The following ZNF81 variants were observed in gnomAD, a reference collection of about 807,000 sequenced individuals.
ZNF81 encodes zinc finger protein 81.
ZNF81 carries 5 observed loss-of-function variants against 32.3 expected under a neutral mutation model. The observed-to-expected ratio is 0.15, with a 90% CI of 0.08 to 0.33. The LOEUF is 0.33. Ranked by LOEUF, ZNF81 falls within the 10% of genes least tolerant of loss-of-function variation. ZNF81 has a pLI of 1.00. For missense variants in ZNF81, 379 were observed against 479.8 expected (o/e 0.79, Z 1.96); for synonymous variants, 163 against 166.8 (o/e 0.98, Z 0.17).
rs782446423 is a variant in ZNF81 at position 47,923,570 on chromosome X, GGTT to G, written c.*6946_*6948del. Among the ~76,000 whole-genome samples, 13 of 111,902 alleles carry G rather than the reference GGTT, an allele frequency of 1.2e-4. No individual in the cohort carries two copies. The highest frequency in any genetic ancestry group is 2.1e-4 in the Non-Finnish European group (11 of 53,147). ...TTGGTTCTTGATTTTATGACACAGA[GGTT>G]GTTGTTGGCTTTGATGAATGCTATT... On this transcript the variant is annotated 3_prime_UTR_variant, in exon 5 of 5. Transcript: ENST00000338637.
chrX:47,902,027 A>G (rs2058700424), intron 4 of ZNF81, among the ~76,000 whole-genome samples: 2 of 111,810 alleles, frequency 1.8e-5, no homozygotes, highest in African/African-American at 6.5e-5. Context: ...ACTGTCTTTA[A>G]TTTCAAATTC....
At chrX:47,854,953 G>A (rs980060362) in intron 2 of ZNF81, among the ~76,000 whole-genome samples, 14 of 110,006 alleles carry the variant, frequency 1.3e-4, no homozygotes, top group South Asian at 3.9e-4. Flanking sequence ...ATATTAGCCG[G>A]GTGTGGTGGC....
intron 2 of ZNF81, among the ~76,000 whole-genome samples, chrX:47,854,710 C>T (rs189263146): frequency 8.9e-6 from 1 of 111,938 alleles, no homozygotes; most frequent in Non-Finnish European, 1.9e-5. Flanking sequence ...TTTATCAATT[C>T]AGTTCACCAT....
At chrX:47,850,891 GCACACA>G (rs782209480) in intron 2 of ZNF81, among the ~76,000 whole-genome samples, 1,067 of 53,385 alleles carry the variant, frequency 0.02, 15 homozygotes, top group South Asian at 0.031. Context: ...AGGCACGCGC[GCACACA>G]CACACACACA....
intron 3 of ZNF81, among the ~76,000 whole-genome samples, chrX:47,890,663 T>G (rs1461375637): frequency 1.8e-5 from 2 of 111,997 alleles, no homozygotes; most frequent in African/African-American, 6.5e-5. Context: ...AGTCTTCTCT[T>G]GTTCTGGTCC....
intron 1 of ZNF81, chrX:47,840,830 C>T (rs1398835676): frequency 5.5e-6 from 2 of 363,377 alleles, no homozygotes; most frequent in African/African-American, 2.6e-5. Context: ...TTCTTTGACC[C>T]TTCCTTTCCA....
intron 1 of ZNF81, among the ~76,000 whole-genome samples, chrX:47,837,566 T>G (rs2058430505): frequency 8.9e-6 from 1 of 112,028 alleles, no homozygotes; most frequent in Non-Finnish European, 1.9e-5. Flanking sequence ...TAGGTCGAGG[T>G]GCATTAATTT....
At chrX:47,880,839 G>A (rs782690679) in intron 2 of ZNF81, among the ~76,000 whole-genome samples, 14 of 111,926 alleles carry the variant, frequency 1.3e-4, no homozygotes, top group Non-Finnish European at 2.4e-4. Context: ...ATAAAGAAAA[G>A]GAATTTATTT....
At chrX:47,870,777 CTT>C (rs781941302) in intron 2 of ZNF81, among the ~76,000 whole-genome samples, 2 of 112,436 alleles carry the variant, frequency 1.8e-5, no homozygotes, top group African/African-American at 6.5e-5. Flanking sequence ...TCTGTGAAGA[CTT>C]TTGCTGACAA....
chrX:47,844,506 T>C lies in ZNF81; in HGVS notation c.-163-1599T>C, dbSNP rs887359630. On this transcript the variant is annotated intron_variant, in intron 1 of 4. Transcript: ENST00000338637. ...GTTGTAGTAAGTATTAGTACTTCTT[T>C]TGTATTACCAAATGTTATAATATTC... 2.7e-5 allele frequency among the ~76,000 whole-genome samples: 3 copies of C among 112,596 alleles called. No individual in the cohort carries two copies. The Admixed American group carries it at 2.8e-4, about 11-fold the overall frequency.
At chrX:47,858,788 T>G (rs1337884090) in intron 2 of ZNF81, among the ~76,000 whole-genome samples, 1 of 112,132 alleles carries the variant, frequency 8.9e-6, no homozygotes, top group Non-Finnish European at 1.9e-5. Flanking sequence ...TTTTTGTTCT[T>G]TCTAATAATT....
intron 2 of ZNF81, among the ~76,000 whole-genome samples, chrX:47,869,626 G>T: frequency 8.9e-6 from 1 of 111,830 alleles, no homozygotes; most frequent in East Asian, 2.8e-4. Context: ...TCTTTTGTCA[G>T]TGCTGGCTTC....
chrX:47,901,221 T>C, intron 4 of ZNF81, among the ~76,000 whole-genome samples: 1 of 112,426 alleles, frequency 8.9e-6, no homozygotes, highest in Middle Eastern at 4.6e-3. Flanking sequence ...ACTCTTACCA[T>C]TGATTCTTGT....
At chrX:47,900,619 G>A (rs1310364870) in intron 4 of ZNF81, among the ~76,000 whole-genome samples, 7 of 111,641 alleles carry the variant, frequency 6.3e-5, no homozygotes, top group Admixed American at 2.8e-4. Flanking sequence ...TTTGGATTGC[G>A]TCCTGAACAT....
At position 47,921,743 on chromosome X, in the gene ZNF81, A is replaced by T. The variant is rs182399373; in HGVS notation, c.*5111A>T. 20 of 111,187 alleles carry T rather than the reference A, an allele frequency of 1.8e-4. No homozygotes were observed. Among genetic ancestry groups the T allele is most frequent in the African/African-American group, 6.2e-4 (19 of 30,588 alleles). 9.2% of individuals were successfully genotyped at this position (111,187 alleles called of 1,213,427 possible). Reference sequence around the variant, plus strand: ...GGGAAACCTGCTGCTACATCATGAGATAGCCCTGTGGAAAGGTCCACATGA... The same window carrying T: ...GGGAAACCTGCTGCTACATCATGAGTTAGCCCTGTGGAAAGGTCCACATGA... On this transcript the variant is annotated 3_prime_UTR_variant, in exon 5 of 5. Transcript: ENST00000338637.
At position 47,846,318 on chromosome X, in the gene ZNF81, T is replaced by C. The variant is rs782314134; in HGVS notation, c.51T>C (p.Cys17=). 10 of 1,207,301 alleles carry C rather than the reference T, an allele frequency of 8.3e-6. No individual in the cohort carries two copies. The South Asian group carries it at 1.1e-4, about 13-fold the overall frequency. The change falls in exon 2 of 5, where the codon TGT becomes TGC. Residue 17 remains cysteine, a synonymous_variant. Transcript: ENST00000338637. The stretch of plus-strand genomic sequence containing the variant: ...AGCCAGGGGAACATGGCAGTGCCTG[T>C]GAGGTGAGGAGGAGGAAGAGGTGCC... ...APQPGEHGSA[C]EVSVSFEDVT... is the part of the protein sequence containing the mutation.
intron 4 of ZNF81, 99 bp from the exon 5 acceptor site, chrX:47,914,825 C>T: frequency 2.4e-6 from 2 of 822,610 alleles, no homozygotes; most frequent in Non-Finnish European, 1.7e-6. Flanking sequence ...ATGAGATTTA[C>T]TGATTTCCAT....
At chrX:47,882,264 C>G (rs1008655478) in intron 2 of ZNF81, among the ~76,000 whole-genome samples, 1 of 111,236 alleles carries the variant, frequency 9.0e-6, no homozygotes, top group African/African-American at 3.3e-5. Flanking sequence ...AGAAAGTTCC[C>G]TCTTGACCAG....
chrX:47,916,656 G>T lies in ZNF81; in HGVS notation c.*24G>T. 1.7e-6 allele frequency: 2 copies of T among 1,189,488 alleles called. No homozygotes were observed. The highest frequency in any genetic ancestry group is 2.3e-6 in the Non-Finnish European group (2 of 885,634). ...GAAAGTAATCCTGTTTCTTGAAAAT[G>T]AGAGCCTTATAAGGCTGACAAAAGT... On this transcript the variant is annotated 3_prime_UTR_variant, in exon 5 of 5. Transcript: ENST00000338637.
Sources: allele counts gnomAD v4.1 joint callset (sites outside exome capture counted in the v4.1 genomes callset), GRCh38; gene constraint gnomAD v4.1.1; transcripts MANE v1.5; gene names NCBI Gene and HGNC (gene_info 2026-07-23, HGNC 2026-07-21).